Variants in USP31 observed in about 807,000 individuals in gnomAD.
USP31 encodes the protein ubiquitin carboxyl-terminal hydrolase 31.
Under a neutral mutation model 119.4 loss-of-function variants are expected in USP31, and 44 were observed. The ratio of observed to expected loss-of-function variants is 0.37; its 90% CI spans 0.29 to 0.47. USP31 has a LOEUF of 0.47. USP31 is among the 20% of genes least tolerant of loss of function. The pLI is 0.99. For synonymous variants in USP31, 749 were observed against 705.6 expected (o/e 1.06, Z -0.97); for missense variants, 1,643 against 1,730.2 (o/e 0.95, Z 0.89).
chr16:23,081,569 C>G (rs35548855), intron 12 of USP31, among the ~76,000 whole-genome samples: 41,605 of 152,054 alleles, frequency 0.27, 6,128 homozygotes, highest in Admixed American at 0.35. Context: ...TTCTTGTAGC[C>G]TCTAATCTGT....
intron 1 of USP31, among the ~76,000 whole-genome samples, chr16:23,137,786 T>TAAAA (rs1159946450): frequency 6.9e-6 from 1 of 144,886 alleles, no homozygotes. Context: ...TTCATTATAG[T>TAAAA]AAAACAAACA....
chr16:23,098,650 G>C (rs1443557363), intron 6 of USP31, among the ~76,000 whole-genome samples: 1 of 152,092 alleles, frequency 6.6e-6, no homozygotes, highest in African/African-American at 2.4e-5. Context: ...CAGAACAGAG[G>C]CCTCAGAAGT....
intron 1 of USP31, among the ~76,000 whole-genome samples, chr16:23,147,871 G>T (rs1452343309): frequency 6.6e-6 from 1 of 152,128 alleles, no homozygotes; most frequent in East Asian, 1.9e-4. Context: ...TTGAGCCCAG[G>T]AGTTTGAGGC....
intron 6 of USP31, among the ~76,000 whole-genome samples, chr16:23,095,513 C>G (rs1017386980): frequency 6.6e-6 from 1 of 152,136 alleles, no homozygotes; most frequent in Non-Finnish European, 1.5e-5. Context: ...CAAAGATACT[C>G]CTCGAGAAGA....
At chr16:23,092,726 T>C (rs193015132) in intron 6 of USP31, among the ~76,000 whole-genome samples, 8 of 152,200 alleles carry the variant, frequency 5.3e-5, no homozygotes, top group African/African-American at 1.7e-4. Flanking sequence ...AGTGAAATAA[T>C]AGACTATCTA....
At position 23,067,891 on chromosome 16, in the gene USP31, T is replaced by C; in HGVS notation, c.*155A>G. 1 of 967,458 alleles carries C rather than the reference T, an allele frequency of 1.0e-6. No homozygotes were observed. The highest frequency in any genetic ancestry group is 1.5e-6 in the Non-Finnish European group (1 of 681,692). The allele number at this position is 967,458 out of a possible 1,614,324, so 59.9% of individuals were successfully genotyped here. On this transcript the variant is annotated 3_prime_UTR_variant, in exon 16 of 16. Coordinates refer to ENST00000219689, the MANE Select transcript of USP31 (RefSeq NM_020718.4). ...ACGCTTTGAACAATTTGCAATTGAA[T>C]TAGACACACACACGCATACACTCAC... is the stretch of plus-strand genomic sequence containing the variant.
intron 8 of USP31, 77 bp from the exon 9 acceptor site, chr16:23,087,263 A>T: frequency 7.7e-7 from 1 of 1,290,580 alleles, no homozygotes; most frequent in Non-Finnish European, 1.1e-6. Flanking sequence ...TTTCCAAAAC[A>T]GATTAGAGTT....
chr16:23,141,448 C>T (rs1366481891), intron 1 of USP31, among the ~76,000 whole-genome samples: 2 of 151,550 alleles, frequency 1.3e-5, no homozygotes, highest in Non-Finnish European at 2.9e-5. Context: ...GGCACAATCT[C>T]GGCTCACCAC....
chr16:23,076,689 T>C (rs760190769), intron 13 of USP31, among the ~76,000 whole-genome samples: 1 of 152,244 alleles, frequency 6.6e-6, no homozygotes, highest in Non-Finnish European at 1.5e-5. Flanking sequence ...TGCTAAAGTC[T>C]AGCCCTGTCT....
chr16:23,142,670 C>T (rs527592079), intron 1 of USP31, among the ~76,000 whole-genome samples: 26 of 152,180 alleles, frequency 1.7e-4, no homozygotes, highest in Non-Finnish European at 3.2e-4. Flanking sequence ...ACTACTCACA[C>T]CACATCCAAG....
chr16:23,081,263 T>G (rs1226462494), intron 12 of USP31, among the ~76,000 whole-genome samples: 1 of 152,174 alleles, frequency 6.6e-6, no homozygotes, highest in Non-Finnish European at 1.5e-5. Context: ...ACTCTGTGTC[T>G]GGGGAAGGAG....
At chr16:23,095,953 A>G (rs1387755574) in intron 6 of USP31, among the ~76,000 whole-genome samples, 1 of 152,206 alleles carries the variant, frequency 6.6e-6, no homozygotes, top group African/African-American at 2.4e-5. Context: ...GGGCAGAATA[A>G]CCAAATAACA....
Position 23,063,584 on chromosome 16 carries a change from A to G in USP31, c.*4462T>C, listed in dbSNP as rs1899939251. The G allele has an allele frequency of 6.6e-6, 1 of 152,576 alleles. No individual in the cohort carries two copies. The highest frequency in any genetic ancestry group is 2.1e-4 in the South Asian group (1 of 4,830). 9.5% of individuals were successfully genotyped at this position (152,576 alleles called of 1,614,324 possible). A position where few individuals can be genotyped will look rare whatever the true frequency, so the allele number is the denominator to read the frequency against. ...ATCCAATTCCACTTCTGCTTGCAAA[A>G]TACTTTACAATCTCGCCAATGATCA... On this transcript the variant is annotated 3_prime_UTR_variant, in exon 16 of 16. Coordinates refer to ENST00000219689, the MANE Select transcript of USP31 (RefSeq NM_020718.4).
intron 1 of USP31, among the ~76,000 whole-genome samples, chr16:23,145,396 C>A (rs78691879): frequency 6.6e-6 from 1 of 152,120 alleles, no homozygotes; most frequent in African/African-American, 2.4e-5. Flanking sequence ...AGATCCTACT[C>A]GACTCAGCTC....
At chr16:23,099,991 C>T (rs1032451109) in intron 6 of USP31, among the ~76,000 whole-genome samples, 1 of 152,126 alleles carries the variant, frequency 6.6e-6, no homozygotes, top group Non-Finnish European at 1.5e-5. Flanking sequence ...ACTTCATACC[C>T]ACTACAATAG....
Position 23,065,713 on chromosome 16 carries a change from G to A in USP31, c.*2333C>T, listed in dbSNP as rs558855588. 29 of 150,412 alleles carry A rather than the reference G, an allele frequency of 1.9e-4. No individual in the cohort carries two copies. Among genetic ancestry groups the A allele is most frequent in the Admixed American group, 1.6e-3 (25 of 15,174 alleles). The allele number at this position is 150,412 out of a possible 1,614,324, so 9.3% of individuals were successfully genotyped here. ...AAACGTTTTTCCTTTTTTTTTTTAA[G>A]TCACTAGACATCGTGGAAAATCCAT... is the stretch of plus-strand genomic sequence containing the variant. On this transcript the variant is annotated 3_prime_UTR_variant, in exon 16 of 16. Coordinates refer to ENST00000219689, the MANE Select transcript of USP31 (RefSeq NM_020718.4).
rs1291585076 is a variant in USP31 at position 23,106,228 on chromosome 16, G to A, written c.938C>T (p.Pro313Leu). 2 of 1,614,162 alleles carry A rather than the reference G, an allele frequency of 1.2e-6. No individual in the cohort carries two copies. The highest frequency in any genetic ancestry group is 2.2e-5 in the South Asian group (2 of 91,080). ...CCATTCTTACCTTGTGTGGGGCAGA[G>A]GAATTGGCAAAGAAATGCAAAGGAA... ...DPFLCISLPIPLPHTRPLYVT... is the reference protein window; with the variant it reads ...DPFLCISLPILLPHTRPLYVT... Residue 313 changes from proline to leucine, a missense_variant, in exon 4 of 16, where the codon CCT (proline) becomes CTT (leucine). Pro to Leu is a moderately conservative substitution (Grantham distance 98). Around this residue, in one of 5 missense-constraint regions of USP31, gnomAD observed 144 missense variants for 218.0 expected, o/e 0.66. Transcript: ENST00000219689.
rs13332341 is a variant in USP31 at position 23,088,408 on chromosome 16, G to A, written c.1416-573C>T. On this transcript the variant is annotated intron_variant, in intron 7 of 15. Transcript: ENST00000219689. ...ATAATGATGCCCAAGTCCAGCCCCC[G>A]GAGAGATTCTGATGAAATCAGTCTG... is the stretch of plus-strand genomic sequence containing the variant. Among the ~76,000 whole-genome samples the A allele has an allele frequency of 9.3e-3, 1,416 of 152,220 alleles. 19 individuals are homozygous for A. The highest frequency in any genetic ancestry group is 0.03 in the African/African-American group (1,228 of 41,528).
chr16:23,069,543 G>A lies in USP31; in HGVS notation c.2562C>T (p.Ser854=). Residue 854 remains serine (S), a synonymous_variant, in exon 16 of 16, where the codon AGC becomes AGT. Coordinates refer to ENST00000219689, the MANE Select transcript of USP31 (RefSeq NM_020718.4). ...TGCAATTTTCATTGACGGCCAAGGG[G>A]CTGGTGACAGAAGATCTGGATGACA... is the stretch of plus-strand genomic sequence containing the variant. The part of the protein sequence containing the change: ...QSLSSRSSVT[S]PLAVNENCMR... The A allele has an allele frequency of 6.2e-7, 1 of 1,614,112 alleles. No homozygotes were observed.
Sources: allele counts gnomAD v4.1 joint callset (sites outside exome capture counted in the v4.1 genomes callset), GRCh38; gene constraint gnomAD v4.1.1; regional missense constraint gnomAD v4.1.1; transcripts MANE v1.5; gene names NCBI Gene and HGNC (gene_info 2026-07-23, HGNC 2026-07-21).